PCDHA2: variants seen among roughly 807,000 people sequenced by gnomAD.
PCDHA2 encodes the protein protocadherin alpha 2.
In PCDHA2, 58 loss-of-function variants were observed where a neutral mutation model predicts 66.0. The observed-to-expected ratio is 0.88, with a 90% CI of 0.71 to 1.09. The LOEUF is 1.09. PCDHA2 is among the 50% of genes least tolerant of loss of function. The pLI, the probability that PCDHA2 is intolerant of heterozygous loss-of-function variation, is 0.00. For missense variants in PCDHA2, 1,267 were observed against 1,242.3 expected (o/e 1.02, Z -0.30); for synonymous variants, 634 against 554.0 (o/e 1.14, Z -2.03).
chr5:140,988,751 T>C (rs1433769306), intron 3 of PCDHA2, among the ~76,000 whole-genome samples: 2 of 152,198 alleles, frequency 1.3e-5, no homozygotes, highest in Non-Finnish European at 2.9e-5. Flanking sequence ...ATTGGTGGCC[T>C]GGGCAGAATA....
chr5:140,936,798 T>C (rs2091152803), intron 1 of PCDHA2, among the ~76,000 whole-genome samples: 1 of 152,240 alleles, frequency 6.6e-6, no homozygotes, highest in Admixed American at 6.5e-5. Context: ...TGCTTCAAGA[T>C]TAACTTAGCT....
chr5:140,834,272 C>A, intron 1 of PCDHA2: 1 of 1,066,346 alleles, frequency 9.4e-7, no homozygotes, highest in Non-Finnish European at 1.4e-6. Flanking sequence ...CTCTTTCACT[C>A]TTTGGATGCA....
intron 1 of PCDHA2, chr5:140,927,082 C>G (rs141480000): frequency 6.2e-7 from 1 of 1,611,100 alleles, no homozygotes; most frequent in Non-Finnish European, 8.5e-7. Flanking sequence ...CCACCGCGAG[C>G]TCTACTTCGG....
At chr5:140,989,013 G>A (rs1171400170) in intron 3 of PCDHA2, 1 of 152,208 alleles carries the variant, frequency 6.6e-6, no homozygotes, top group Non-Finnish European at 1.5e-5. Context: ...ACTTATTATA[G>A]TTTCTTCAGT....
At chr5:140,842,871 T>G in intron 1 of PCDHA2, 1 of 1,593,666 alleles carries the variant, frequency 6.3e-7, no homozygotes, top group Non-Finnish European at 8.6e-7. Context: ...AGCGGCAAGG[T>G]GTACGCGCTG....
intron 1 of PCDHA2, chr5:140,848,846 C>G: frequency 6.3e-7 from 1 of 1,590,530 alleles, no homozygotes; most frequent in Non-Finnish European, 8.6e-7. Flanking sequence ...TGCAGGTTTT[C>G]CATGTGGACG....
rs782680832 is a variant in PCDHA2 at position 140,801,867 on chromosome 5, G to T, written c.2388+4515G>T. ...TGATGGTGGGAAACCAGAGCTCACT[G>T]GCACGACTCAACTAAAGATCACTGT... On this transcript the variant is annotated intron_variant, in intron 1 of 3. Transcript: ENST00000526136. 1.5e-5 allele frequency: 25 copies of T among 1,613,978 alleles called. 2 individuals are homozygous for T. The South Asian group carries it at 2.7e-4, about 18-fold the overall frequency.
chr5:140,875,009 G>A (rs1238943643), intron 1 of PCDHA2, among the ~76,000 whole-genome samples: 2 of 152,216 alleles, frequency 1.3e-5, no homozygotes, highest in Admixed American at 6.5e-5. Flanking sequence ...CCATGATAAA[G>A]TGTAGGTTCT....
intron 1 of PCDHA2, chr5:140,870,744 C>G: frequency 3.7e-6 from 6 of 1,613,474 alleles, no homozygotes; most frequent in Non-Finnish European, 5.1e-6. Flanking sequence ...TGAGCAGCAA[C>G]GTGACGCTGC....
Position 141,010,126 on chromosome 5 carries a change from C to G in PCDHA2, c.*189C>G, listed in dbSNP as rs2098416139. ...TTTTGTCGTAAAAGCTTTACTAAGT[C>G]TGGTGTTAACTCTTTCTCTCCACTC... On this transcript the variant is annotated 3_prime_UTR_variant, in exon 4 of 4. Coordinates refer to ENST00000526136, the MANE Select transcript of PCDHA2 (RefSeq NM_018905.3). 1 of 1,602,246 alleles carries G rather than the reference C, an allele frequency of 6.2e-7. No homozygotes were observed. The highest frequency in any genetic ancestry group is 8.5e-7 in the Non-Finnish European group (1 of 1,173,654).
rs150390468 is a variant in PCDHA2 at position 140,876,777 on chromosome 5, G to A, written c.2388+79425G>A. The A allele has an allele frequency of 2.3e-3, 3,781 of 1,614,244 alleles. 8 individuals carry two copies. Among genetic ancestry groups the A allele is most frequent in the Non-Finnish European group, 3.0e-3 (3,507 of 1,180,036 alleles). On this transcript the variant is annotated intron_variant, in intron 1 of 3. Coordinates refer to ENST00000526136, the MANE Select transcript of PCDHA2 (RefSeq NM_018905.3). ...CGCGGGATGGGGGCTCGCCTTCGCT[G>A]TGGGCCACGGCTAGAGTGTCCGTGG...
intron 1 of PCDHA2, among the ~76,000 whole-genome samples, chr5:140,872,813 A>G (rs2053916797): frequency 6.6e-6 from 1 of 152,208 alleles, no homozygotes; most frequent in Non-Finnish European, 1.5e-5. Flanking sequence ...TAAGTTTTTC[A>G]GATTCATCTA....
intron 1 of PCDHA2, among the ~76,000 whole-genome samples, chr5:140,817,749 C>T (rs2150098940): frequency 6.6e-6 from 1 of 152,086 alleles, no homozygotes; most frequent in Non-Finnish European, 1.5e-5. Context: ...GATCATTTTC[C>T]TTCTGAAGAA....
chr5:140,875,291 T>C, intron 1 of PCDHA2: 2 of 1,397,914 alleles, frequency 1.4e-6, no homozygotes, highest in Non-Finnish European at 1.9e-6. Flanking sequence ...AACAGGAAAA[T>C]TTTTTTCTCC....
intron 1 of PCDHA2, among the ~76,000 whole-genome samples, chr5:140,818,390 A>G (rs1766348268): frequency 6.6e-6 from 1 of 152,186 alleles, no homozygotes; most frequent in South Asian, 2.1e-4. Context: ...GCATTTTTCC[A>G]TTTTAGAATT....
rs2150218754 is a variant in PCDHA2, at chr5:140,834,459, G to A, written c.2388+37107G>A. On this transcript the variant is annotated intron_variant, in intron 1 of 3. Transcript: ENST00000526136. ...TATTATAATTCTAGCAGCTTGGGAG[G>A]CAGGGAGAGGCCAGCTCCACTACTC... is the stretch of plus-strand genomic sequence containing the variant. 9.3e-6 allele frequency: 15 copies of A among 1,614,052 alleles called. No homozygotes were observed. The highest frequency in any genetic ancestry group is 1.7e-4 in the Middle Eastern group (1 of 6,058).
chr5:140,940,434 T>A (rs155816), intron 1 of PCDHA2, among the ~76,000 whole-genome samples: 48,246 of 152,056 alleles, frequency 0.32, 7,999 homozygotes, highest in East Asian at 0.53. Flanking sequence ...TGATCAAGTC[T>A]GCCATGATAT....
chr5:140,941,214 C>CCCTTCTTTCTTTCTTTCTTTCTTT (rs2092871784), intron 1 of PCDHA2, among the ~76,000 whole-genome samples: 1 of 122,414 alleles, frequency 8.2e-6, no homozygotes, highest in Non-Finnish European at 1.7e-5. Flanking sequence ...TTTCTTTCTT[C>CCCTTCTTTCTTTCTTTCTTTCTTT]CTTTCTTTCT....
At chr5:140,802,965 G>T (rs577958641) in intron 1 of PCDHA2, 1 of 1,613,874 alleles carries the variant, frequency 6.2e-7, no homozygotes, top group African/African-American at 1.3e-5. Context: ...TGCGGGCCAC[G>T]TGGTAGCGAA....
Sources: gnomAD v4.1 joint callset for allele counts (sites outside exome capture counted in the v4.1 genomes callset) on GRCh38, gnomAD v4.1.1 for gene constraint, MANE v1.5 for transcripts, NCBI Gene and HGNC (gene_info 2026-07-23, HGNC 2026-07-21) for gene names.